The following AFF3 variants were observed in gnomAD, a reference collection of about 807,000 sequenced individuals.
The protein encoded by AFF3 is ALF transcription elongation factor 3.
A neutral mutation model predicts 129.7 loss-of-function variants in AFF3; 32 were observed. The observed-to-expected ratio is 0.25, with a 90% CI of 0.19 to 0.33. AFF3 has a LOEUF of 0.33. Among genes scored for constraint, AFF3 ranks in the 10% least tolerant of loss-of-function variants. The probability of loss-of-function intolerance (pLI) is 1.00; values close to 1 mark genes in which losing one functional copy is unlikely to be tolerated. For synonymous variants in AFF3, 644 were observed against 635.4 expected (o/e 1.01, Z -0.20); for missense variants, 1,373 against 1,592.0 (o/e 0.86, Z 2.34).
chr2:99,952,332 G>T (rs1332674707), intron 7 of AFF3, among the ~76,000 whole-genome samples: 4 of 152,112 alleles, frequency 2.6e-5, no homozygotes, highest in Non-Finnish European at 5.9e-5. Context: ...AGTTTCTTGA[G>T]GCCTCCCCAG....
intron 11 of AFF3, among the ~76,000 whole-genome samples, chr2:99,685,082 G>A (rs1674923907): frequency 6.6e-6 from 1 of 151,896 alleles, no homozygotes; most frequent in Non-Finnish European, 1.5e-5. Flanking sequence ...GGGATTACAG[G>A]TGCCCGCCAC....
chr2:99,593,312 G>A lies in AFF3; in HGVS notation c.2349C>T (p.Pro783=). The A allele has an allele frequency of 2.5e-6, 4 of 1,614,060 alleles. No homozygotes were observed. The highest frequency in any genetic ancestry group is 3.4e-6 in the Non-Finnish European group (4 of 1,179,996). The change falls in exon 15 of 25, where the codon CCC becomes CCT. Residue 783 remains proline (P), a synonymous_variant. Transcript: ENST00000672756. ...GGGCGCTCAATACCCCTGGCTCCTG[G>A]GGCAGGTGTTCTGGGATCCTGGACA... The part of the protein sequence containing the change: ...TLLSRIPEHL[P]QEPGVLSAPA...
intron 7 of AFF3, among the ~76,000 whole-genome samples, chr2:99,882,208 A>C (rs1183250548): frequency 6.6e-6 from 1 of 152,112 alleles, no homozygotes; most frequent in Non-Finnish European, 1.5e-5. Flanking sequence ...AACATATATA[A>C]AATGAAGACA....
intron 7 of AFF3, among the ~76,000 whole-genome samples, chr2:99,941,815 G>A (rs1293605266): frequency 6.6e-6 from 1 of 152,204 alleles, no homozygotes; most frequent in Admixed American, 6.5e-5. Context: ...AGGATGACAT[G>A]ATAACGAAAA....
At chr2:99,791,727 C>A (rs1685200760) in intron 8 of AFF3, among the ~76,000 whole-genome samples, 1 of 152,134 alleles carries the variant, frequency 6.6e-6, no homozygotes, top group Admixed American at 6.5e-5. Flanking sequence ...TGTTTCCAGA[C>A]AAGGCTGAAA....
At chr2:99,765,364 C>T (rs1682922327) in intron 8 of AFF3, among the ~76,000 whole-genome samples, 1 of 152,192 alleles carries the variant, frequency 6.6e-6, no homozygotes. Context: ...AACCCCTTTC[C>T]ACAGACAATT....
At chr2:99,924,668 C>G (rs1030797778) in intron 7 of AFF3, among the ~76,000 whole-genome samples, 1 of 152,192 alleles carries the variant, frequency 6.6e-6, no homozygotes, top group South Asian at 2.1e-4. Context: ...ATTCTCCAGT[C>G]TGTCACATTA....
At position 99,950,327 on chromosome 2, in the gene AFF3, T is replaced by C. The variant is rs535512872; in HGVS notation, c.873+56305A>G. Among the ~76,000 whole-genome samples the C allele has an allele frequency of 1.4e-4, 21 of 152,348 alleles. No homozygotes were observed. The South Asian group carries it at 4.3e-3, about 32-fold the overall frequency. On this transcript the variant is annotated intron_variant, in intron 7 of 24. Transcript: ENST00000672756. Reference sequence around the variant, plus strand: ...TTCTGGTTTTTGTTTCATTTTACTTTAACCTGTCAAAAAATAAGGGAAAAA... The same window carrying C: ...TTCTGGTTTTTGTTTCATTTTACTTCAACCTGTCAAAAAATAAGGGAAAAA...
intron 7 of AFF3, among the ~76,000 whole-genome samples, chr2:99,926,399 A>G (rs2106273976): frequency 6.6e-6 from 1 of 152,294 alleles, no homozygotes; most frequent in African/African-American, 2.4e-5. Flanking sequence ...TACGCTTCTC[A>G]TTTCTCTGCA....
chr2:99,891,006 C>T (rs984541595), intron 7 of AFF3, among the ~76,000 whole-genome samples: 1 of 152,144 alleles, frequency 6.6e-6, no homozygotes, highest in African/African-American at 2.4e-5. Context: ...ACACAGTTCC[C>T]AATGGGAGGG....
At chr2:100,049,080 C>T (rs34754366) in intron 4 of AFF3, among the ~76,000 whole-genome samples, 19,206 of 152,134 alleles carry the variant, frequency 0.13, 1,582 homozygotes, top group South Asian at 0.2. Flanking sequence ...GATCATTCTG[C>T]GAAAGACTAC....
chr2:99,559,282 G>A (rs1404849640), intron 21 of AFF3, among the ~76,000 whole-genome samples: 1 of 152,202 alleles, frequency 6.6e-6, no homozygotes, highest in Admixed American at 6.5e-5. Flanking sequence ...GTCTCTCCAC[G>A]AGAGGCGCGA....
chr2:99,869,841 T>C (rs1487874272), intron 7 of AFF3, among the ~76,000 whole-genome samples: 1 of 152,196 alleles, frequency 6.6e-6, no homozygotes, highest in Non-Finnish European at 1.5e-5. Flanking sequence ...AATCCTGCTC[T>C]TCTCTGGGAG....
At chr2:100,024,088 C>T (rs968658268) in intron 4 of AFF3, among the ~76,000 whole-genome samples, 2 of 151,496 alleles carry the variant, frequency 1.3e-5, no homozygotes, top group African/African-American at 2.4e-5. Context: ...AAAAATTAGC[C>T]GGGCGTGGTG....
chr2:100,120,275 T>TG (rs1336868033), intron 2 of AFF3, among the ~76,000 whole-genome samples: 1 of 152,114 alleles, frequency 6.6e-6, no homozygotes, highest in African/African-American at 2.4e-5. Flanking sequence ...CATGAAACCG[T>TG]GGTCACAGAA....
intron 8 of AFF3, among the ~76,000 whole-genome samples, chr2:99,810,111 T>C (rs924838166): frequency 4.6e-5 from 7 of 152,242 alleles, no homozygotes; most frequent in Non-Finnish European, 8.8e-5. Context: ...CTTCCTGATA[T>C]GCTGATGGAC....
chr2:99,606,612 TA>T (rs1680362416), intron 13 of AFF3, among the ~76,000 whole-genome samples: 1 of 152,054 alleles, frequency 6.6e-6, no homozygotes, highest in Non-Finnish European at 1.5e-5. Context: ...CTTTTCCAAT[TA>T]AAAAATATTT....
intron 8 of AFF3, among the ~76,000 whole-genome samples, chr2:99,784,853 A>C (rs1189241529): frequency 6.6e-6 from 1 of 152,210 alleles, no homozygotes; most frequent in Admixed American, 6.5e-5. Context: ...AGGTGAGTAC[A>C]TTTTAAGTTA....
intron 7 of AFF3, among the ~76,000 whole-genome samples, chr2:99,841,703 A>G (rs1689331218): frequency 6.6e-6 from 1 of 152,156 alleles, no homozygotes; most frequent in Admixed American, 6.5e-5. Context: ...CAAGTCAATG[A>G]CTTTAACAGA....
Sources: gnomAD v4.1 joint callset for allele counts (sites outside exome capture counted in the v4.1 genomes callset) on GRCh38, gnomAD v4.1.1 for gene constraint, MANE v1.5 for transcripts, NCBI Gene and HGNC (gene_info 2026-07-23, HGNC 2026-07-21) for gene names.